Variants in KAZN observed in about 807,000 individuals in gnomAD.
KAZN encodes kazrin, periplakin interacting protein, also known as kazrin.
Under a neutral mutation model 87.4 loss-of-function variants are expected in KAZN, and 40 were observed. The observed-to-expected ratio is 0.46, with a 90% CI of 0.36 to 0.60. The LOEUF is 0.60. Among genes scored for constraint, KAZN ranks in the 20% least tolerant of loss-of-function variants. The pLI is 0.00. For synonymous variants in KAZN, 466 were observed against 458.3 expected (o/e 1.02, Z -0.22); for missense variants, 898 against 1,073.9 (o/e 0.84, Z 2.29).
chr1:14,424,285 G>A (rs749993956), intron 2 of KAZN, among the ~76,000 whole-genome samples: 1 of 152,312 alleles, frequency 6.6e-6, no homozygotes, highest in South Asian at 2.1e-4. Flanking sequence ...CTTCACGTAA[G>A]TTGCTTCATT....
At chr1:14,846,574 A>G (rs1648787967) in intron 1 of KAZN, among the ~76,000 whole-genome samples, 1 of 152,194 alleles carries the variant, frequency 6.6e-6, no homozygotes, top group Admixed American at 6.5e-5. Context: ...ACAAGAACAC[A>G]TATTTATTTT....
At chr1:14,196,593 G>T (rs747471784) in intron 2 of KAZN, among the ~76,000 whole-genome samples, 1 of 152,092 alleles carries the variant, frequency 6.6e-6, no homozygotes, top group Admixed American at 6.5e-5. Flanking sequence ...AAGGGAAGGC[G>T]AGTGAGAAGA....
intron 2 of KAZN, among the ~76,000 whole-genome samples, chr1:14,501,119 ATAAATAAATAAAAAT>A (rs1670223941): frequency 1.3e-5 from 2 of 149,366 alleles, no homozygotes; most frequent in African/African-American, 2.4e-5. Context: ...AAATAAATAA[ATAAATAAATAAAAAT>A]AATAATAAAA....
At chr1:14,993,632 A>C in intron 2 of KAZN, among the ~76,000 whole-genome samples, 1 of 151,768 alleles carries the variant, frequency 6.6e-6, no homozygotes, top group South Asian at 2.1e-4. Flanking sequence ...TGCTGCCTCG[A>C]CTCTCGTCTG....
At chr1:14,704,330 A>G (rs1348150721) in intron 1 of KAZN, among the ~76,000 whole-genome samples, 1 of 152,230 alleles carries the variant, frequency 6.6e-6, no homozygotes, top group African/African-American at 2.4e-5. Flanking sequence ...CTTCCATCAT[A>G]CCATGAGGTC....
chr1:14,122,578 G>A (rs931291949), intron 1 of KAZN, among the ~76,000 whole-genome samples: 4 of 152,166 alleles, frequency 2.6e-5, no homozygotes, highest in Non-Finnish European at 5.9e-5. Flanking sequence ...ATGAGCTGAC[G>A]TTCTCTATTC....
chr1:14,106,659 G>A (rs963453363), intron 1 of KAZN, among the ~76,000 whole-genome samples: 1 of 152,182 alleles, frequency 6.6e-6, no homozygotes, highest in Non-Finnish European at 1.5e-5. Flanking sequence ...CCTGAGGTTG[G>A]ATGAGTGATG....
Position 14,960,708 on chromosome 1 carries a change from G to C in KAZN, c.251G>C (p.Arg84Pro). 3 of 1,575,040 alleles carry C rather than the reference G, an allele frequency of 1.9e-6. No individual in the cohort carries two copies. The South Asian group carries it at 3.5e-5, about 18-fold the overall frequency. The change falls in exon 2 of 15, where the codon CGG (arginine) becomes CCG (proline). Residue 84 changes from arginine (R) to proline (P), a missense_variant. Around this residue, in one of 3 missense-constraint regions of KAZN, gnomAD observed 250 missense variants for 263.0 expected, o/e 0.95. Coordinates refer to ENST00000376030, the MANE Select transcript of KAZN (RefSeq NM_201628.3). ...GTGCTCCTGCGGGAAGAAGTGTCGC[G>C]GCTCCAGGAGGAAGTTCACCTTCTC... ...AQVLLREEVSRLQEEVHLLRQ... is the reference protein window; with the variant it reads ...AQVLLREEVSPLQEEVHLLRQ...
At chr1:14,364,522 A>G (rs1355598974) in intron 2 of KAZN, among the ~76,000 whole-genome samples, 2 of 152,244 alleles carry the variant, frequency 1.3e-5, no homozygotes, top group Non-Finnish European at 2.9e-5. Context: ...ATTTAGCATA[A>G]CAGTATATAG....
At chr1:13,945,506 A>G (rs6669964) in intron 1 of KAZN, among the ~76,000 whole-genome samples, 18,897 of 147,288 alleles carry the variant, frequency 0.13, 1,449 homozygotes, top group Middle Eastern at 0.2. Flanking sequence ...ATTGATCAGG[A>G]ATGTGAGACT....
intron 2 of KAZN, among the ~76,000 whole-genome samples, chr1:14,516,075 G>A (rs1056048875): frequency 6.6e-6 from 1 of 152,110 alleles, no homozygotes; most frequent in Non-Finnish European, 1.5e-5. Flanking sequence ...CCAGGTTCTA[G>A]AAACTGTGTT....
intron 2 of KAZN, among the ~76,000 whole-genome samples, chr1:14,240,659 G>T (rs140767572): frequency 6.6e-6 from 1 of 152,348 alleles, no homozygotes; most frequent in East Asian, 1.9e-4. Flanking sequence ...ACTAAGTAAG[G>T]CTGTCACTCT....
chr1:14,924,453 G>A, intron 1 of KAZN: 1 of 989,136 alleles, frequency 1.0e-6, no homozygotes, highest in Non-Finnish European at 1.2e-6. Flanking sequence ...GCGGGGGCCG[G>A]GCCCGCGCGG....
intron 2 of KAZN, among the ~76,000 whole-genome samples, chr1:14,197,387 T>TAAAAA (rs35290614): frequency 9.8e-6 from 1 of 102,276 alleles, no homozygotes. Flanking sequence ...AAGTAAATGT[T>TAAAAA]AAAAAAAAAA....
chr1:14,907,222 C>T (rs1199849129), intron 1 of KAZN, among the ~76,000 whole-genome samples: 1 of 151,348 alleles, frequency 6.6e-6, no homozygotes, highest in Non-Finnish European at 1.5e-5. Context: ...ATGGTGAAAC[C>T]CCATCTCTAC....
chr1:14,764,394 C>CCCA (rs1553127296), intron 1 of KAZN, among the ~76,000 whole-genome samples: 1 of 147,992 alleles, frequency 6.8e-6, no homozygotes, highest in Non-Finnish European at 1.5e-5. Flanking sequence ...ACACCCCCCC[C>CCCA]ACAATGTGGG....
At chr1:14,083,877 T>G (rs895206529) in intron 1 of KAZN, among the ~76,000 whole-genome samples, 15 of 152,246 alleles carry the variant, frequency 9.9e-5, no homozygotes, top group Non-Finnish European at 2.2e-4. Context: ...CACACTTTCT[T>G]CTATTTAACA....
chr1:13,915,868 G>C (rs946116879), intron 1 of KAZN, among the ~76,000 whole-genome samples: 2 of 152,198 alleles, frequency 1.3e-5, no homozygotes, highest in Admixed American at 6.5e-5. Flanking sequence ...GGATTCTTTG[G>C]TTGTGAGCCA....
At chr1:14,934,766 A>G (rs1660256714) in intron 1 of KAZN, among the ~76,000 whole-genome samples, 1 of 152,222 alleles carries the variant, frequency 6.6e-6, no homozygotes, top group Admixed American at 6.5e-5. Context: ...GATGCTGGCC[A>G]GTATCCATCT....
Sources: allele counts gnomAD v4.1 joint callset (sites outside exome capture counted in the v4.1 genomes callset), GRCh38; gene constraint gnomAD v4.1.1; regional missense constraint gnomAD v4.1.1; transcripts MANE v1.5; gene names NCBI Gene and HGNC (gene_info 2026-07-23, HGNC 2026-07-21).